LUZP2: variants seen among roughly 807,000 people sequenced by gnomAD.
LUZP2 encodes the protein leucine zipper protein 2.
A neutral mutation model predicts 51.6 loss-of-function variants in LUZP2; 52 were observed. The ratio of observed to expected loss-of-function variants is 1.01; its 90% CI spans 0.81 to 1.27. LUZP2 has a LOEUF of 1.27. Among genes scored for constraint, LUZP2 ranks in the 50% most tolerant of loss-of-function variants. The pLI is 0.00. For synonymous variants in LUZP2, 154 were observed against 137.3 expected (o/e 1.12, Z -0.85); for missense variants, 436 against 395.4 (o/e 1.10, Z -0.87).
chr11:25,011,407 C>G (rs7125834), intron 9 of LUZP2, among the ~76,000 whole-genome samples: 57,788 of 151,946 alleles, frequency 0.38, 13,327 homozygotes, highest in East Asian at 0.77. Context: ...TATTTCATCA[C>G]TAGTCATGTA....
intron 1 of LUZP2, among the ~76,000 whole-genome samples, chr11:24,586,903 T>C (rs1853084494): frequency 6.6e-6 from 1 of 152,138 alleles, no homozygotes; most frequent in African/African-American, 2.4e-5. Flanking sequence ...ATTATGTTAA[T>C]TTAAAGGCAA....
At chr11:24,549,412 C>T (rs977595197) in intron 1 of LUZP2, among the ~76,000 whole-genome samples, 1 of 151,990 alleles carries the variant, frequency 6.6e-6, no homozygotes, top group Non-Finnish European at 1.5e-5. Context: ...GAAGGGCCTG[C>T]CTGAGGTCGT....
Position 24,997,543 on chromosome 11 carries a change from C to T in LUZP2, c.765+14250C>T, listed in dbSNP as rs1461949226. Among the ~76,000 whole-genome samples, 16 of 152,094 alleles carry T rather than the reference C, an allele frequency of 1.1e-4. No homozygotes were observed. In the South Asian group the frequency reaches 1.4e-3, roughly 14 times the overall value. On this transcript the variant is annotated intron_variant, in intron 9 of 11. Transcript: ENST00000336930. ...AGCCCTTTGTCAGATGAGTAGGTTG[C>T]GAAAATGTTCTCCCATTTTGTAGGT...
chr11:24,584,362 G>T (rs1162980894), intron 1 of LUZP2, among the ~76,000 whole-genome samples: 2 of 152,138 alleles, frequency 1.3e-5, no homozygotes, highest in Non-Finnish European at 2.9e-5. Context: ...TATTTGTGAT[G>T]TTTGGAAGTT....
At chr11:24,908,933 T>G (rs1853544962) in intron 6 of LUZP2, among the ~76,000 whole-genome samples, 1 of 151,770 alleles carries the variant, frequency 6.6e-6, no homozygotes, top group Admixed American at 6.6e-5. Context: ...AGCTAATTTT[T>G]TGTATTTTTA....
At chr11:24,928,951 A>T (rs947092597) in intron 7 of LUZP2, among the ~76,000 whole-genome samples, 2 of 151,924 alleles carry the variant, frequency 1.3e-5, no homozygotes, top group Non-Finnish European at 2.9e-5. Flanking sequence ...TCCCAGTTTA[A>T]TCTCAGAAGG....
intron 9 of LUZP2, among the ~76,000 whole-genome samples, chr11:25,048,738 C>T (rs1156897647): frequency 6.6e-6 from 1 of 151,938 alleles, no homozygotes; most frequent in Non-Finnish European, 1.5e-5. Context: ...AGGTGGAAAA[C>T]AATAAATGCC....
chr11:24,908,937 A>G (rs559180744), intron 6 of LUZP2, among the ~76,000 whole-genome samples: 1 of 151,026 alleles, frequency 6.6e-6, no homozygotes, highest in East Asian at 2.0e-4. Context: ...AATTTTTTGT[A>G]TTTTTAGTAG....
At chr11:24,672,472 T>C (rs1231398784) in intron 1 of LUZP2, among the ~76,000 whole-genome samples, 2 of 152,186 alleles carry the variant, frequency 1.3e-5, no homozygotes, top group African/African-American at 2.4e-5. Context: ...TTGTATTTAA[T>C]TGTATAAATT....
intron 9 of LUZP2, among the ~76,000 whole-genome samples, chr11:24,983,868 G>A (rs1272542658): frequency 6.7e-6 from 1 of 149,468 alleles, no homozygotes; most frequent in African/African-American, 2.5e-5. Flanking sequence ...CAAAGTCCCA[G>A]GGGATTTTAA....
chr11:25,067,132 A>T (rs776554028), intron 10 of LUZP2, among the ~76,000 whole-genome samples: 1 of 151,988 alleles, frequency 6.6e-6, no homozygotes, highest in Non-Finnish European at 1.5e-5. Flanking sequence ...CTCTGATTAC[A>T]TGTAGTGTAG....
chr11:25,076,832 A>G (rs933746684), intron 10 of LUZP2, among the ~76,000 whole-genome samples: 2 of 150,812 alleles, frequency 1.3e-5, no homozygotes, highest in Admixed American at 1.3e-4. Flanking sequence ...TATTCTGGCC[A>G]GTAAAATGAC....
chr11:24,760,103 G>A (rs984807447), intron 4 of LUZP2, among the ~76,000 whole-genome samples: 12 of 152,112 alleles, frequency 7.9e-5, no homozygotes, highest in African/African-American at 2.9e-4. Flanking sequence ...CAAAGATTTT[G>A]TGATCGGCAA....
At chr11:24,720,336 A>AT (rs1299987191) in intron 1 of LUZP2, among the ~76,000 whole-genome samples, 2 of 152,190 alleles carry the variant, frequency 1.3e-5, no homozygotes, top group South Asian at 2.1e-4. Flanking sequence ...TTTACAAATG[A>AT]TTTTTTCTAT....
At chr11:24,793,253 G>C (rs1203267365) in intron 5 of LUZP2, among the ~76,000 whole-genome samples, 1 of 151,980 alleles carries the variant, frequency 6.6e-6, no homozygotes, top group Non-Finnish European at 1.5e-5. Flanking sequence ...TTAAAATATG[G>C]CACTATTCAG....
chr11:24,634,888 A>C (rs1284561000), intron 1 of LUZP2, among the ~76,000 whole-genome samples: 1 of 152,148 alleles, frequency 6.6e-6, no homozygotes, highest in Non-Finnish European at 1.5e-5. Flanking sequence ...CTCAGTATGA[A>C]CCTAGTAAGC....
chr11:24,828,956 T>C (rs1015399351), intron 5 of LUZP2, among the ~76,000 whole-genome samples: 2 of 152,088 alleles, frequency 1.3e-5, no homozygotes, highest in African/African-American at 4.8e-5. Context: ...GGTTCCAGCT[T>C]AAAATCAAAG....
In LUZP2 at chr11:24,736,992, A is replaced by G. The variant is rs182054487; in HGVS notation, c.252-1229A>G. Among the ~76,000 whole-genome samples, 167 of 152,170 alleles carry G rather than the reference A, an allele frequency of 1.1e-3. 2 individuals carry two copies. Among genetic ancestry groups the G allele is most frequent in the Admixed American group, 2.9e-3 (44 of 15,244 alleles). The stretch of plus-strand genomic sequence containing the variant: ...ACAGACTTTCTTTCTCATTCTTGAA[A>G]TTGGGACTTGGACATCAGTCTCAAG... On this transcript the variant is annotated intron_variant, in intron 3 of 11. Transcript: ENST00000336930.
intron 1 of LUZP2, among the ~76,000 whole-genome samples, chr11:24,657,873 T>A (rs1447818810): frequency 6.6e-6 from 1 of 152,202 alleles, no homozygotes; most frequent in Non-Finnish European, 1.5e-5. Flanking sequence ...ACAAGGGATG[T>A]GAAGAACCTC....
Sources: gnomAD v4.1 joint callset for allele counts (sites outside exome capture counted in the v4.1 genomes callset) on GRCh38, gnomAD v4.1.1 for gene constraint, MANE v1.5 for transcripts, NCBI Gene and HGNC (gene_info 2026-07-23, HGNC 2026-07-21) for gene names.